The following LIPK variants were observed in gnomAD, a reference collection of about 807,000 sequenced individuals.
LIPK encodes the protein lipase family member K.
In LIPK, 32 loss-of-function variants were observed where a neutral mutation model predicts 48.6. That is an observed-to-expected ratio of 0.66 (90% confidence interval 0.50 to 0.88). The LOEUF is 0.88. Among genes scored for constraint, LIPK ranks in the 40% least tolerant of loss-of-function variants. The probability of loss-of-function intolerance (pLI) is 0.00; values close to 1 mark genes in which losing one functional copy is unlikely to be tolerated. For missense variants in LIPK, 507 were observed against 478.5 expected, an observed-to-expected ratio of 1.06 and a Z score of -0.56; for synonymous variants, 164 against 157.4, an observed-to-expected ratio of 1.04 and a Z score of -0.32.
intron 9 of LIPK, among the ~76,000 whole-genome samples, chr10:88,745,166 T>C (rs1197295145): frequency 6.9e-6 from 1 of 145,242 alleles, no homozygotes; most frequent in Non-Finnish European, 1.5e-5. Flanking sequence ...CTGGCATTCC[T>C]GAAAGAGAGG....
chr10:88,718,860 T>C (rs770314660), intron 1 of LIPK, among the ~76,000 whole-genome samples: 5 of 152,168 alleles, frequency 3.3e-5, no homozygotes, highest in Admixed American at 1.3e-4. Flanking sequence ...ATATTATTAA[T>C]AGAATTAATA....
In LIPK at chr10:88,742,638, G is replaced by A. The variant is rs557985143; in HGVS notation, c.889-612G>A. Among the ~76,000 whole-genome samples the A allele has an allele frequency of 7.9e-5, 12 of 152,330 alleles. No homozygotes were observed. The East Asian group carries it at 1.9e-3, about 24-fold the overall frequency. On this transcript the variant is annotated intron_variant, in intron 8 of 9. Transcript: ENST00000404190. ...AAAAGTAGTCATGCACAGTGTCTCA[G>A]TCAGCCCATGGCTACATTATGCACA...
chr10:88,743,319 C>A lies in LIPK; in HGVS notation c.958C>A (p.Gln320Lys). Residue 320 changes from glutamine (Q) to lysine (K), a missense_variant and splice_region_variant, in exon 9 of 10, where the codon CAG (glutamine) becomes AAG (lysine). By Grantham distance (53) the Gln-to-Lys change is moderately conservative. Transcript: ENST00000404190. ...TGATCAGAACATGATGCACTTCCAT[C>A]AGGTACAAAAATAATCCTCATAATC... is the stretch of plus-strand genomic sequence containing the variant. ...NSDQNMMHFH[Q>K]LTPPLYNITK... 1.3e-6 allele frequency: 2 copies of A among 1,581,706 alleles called. No homozygotes were observed. The highest frequency in any genetic ancestry group is 1.7e-6 in the Non-Finnish European group (2 of 1,160,518).
At chr10:88,707,972 C>G (rs972890423) in intron 1 of LIPK, among the ~76,000 whole-genome samples, 1 of 152,054 alleles carries the variant, frequency 6.6e-6, no homozygotes, top group African/African-American at 2.4e-5. Flanking sequence ...TCCTAAATCT[C>G]TGTAAACACC....
At chr10:88,720,539 C>T (rs149031430) in intron 1 of LIPK, among the ~76,000 whole-genome samples, 196 of 152,106 alleles carry the variant, frequency 1.3e-3, no homozygotes, top group African/African-American at 2.8e-3. Context: ...TTAAAAAAGA[C>T]GGCAGAAAAG....
chr10:88,733,915 G>A (rs1394548934), intron 6 of LIPK, among the ~76,000 whole-genome samples: 1 of 152,206 alleles, frequency 6.6e-6, no homozygotes, highest in Non-Finnish European at 1.5e-5. Context: ...GTATGTGAGA[G>A]TAGAATGGGA....
At chr10:88,712,760 T>A (rs111980386) in intron 1 of LIPK, among the ~76,000 whole-genome samples, 64 of 152,298 alleles carry the variant, frequency 4.2e-4, no homozygotes, top group African/African-American at 1.5e-3. Flanking sequence ...AACAGTCCTA[T>A]TTAAAATGAA....
At chr10:88,739,952 T>A in intron 7 of LIPK, 44 bp from the exon 8 acceptor site, 4 of 1,208,302 alleles carry the variant, frequency 3.3e-6, no homozygotes, top group Non-Finnish European at 4.8e-6. Flanking sequence ...ACTTGTGGTA[T>A]GATGATATGA....
rs540960738 is a variant in LIPK at position 88,752,421 on chromosome 10, G to A, written c.961-96G>A. The A allele has an allele frequency of 2.4e-4, 191 of 812,646 alleles. No individual in the cohort carries two copies. In the African/African-American group the frequency reaches 3.2e-3, roughly 14 times the overall value. 50.3% of individuals were successfully genotyped at this position (812,646 alleles called of 1,614,324 possible). ...AGTGTAAACTAATTGTACACTTGTA[G>A]CATTTAAAGAACTTGCTCAACAGCT... On this transcript the variant is annotated intron_variant, in intron 9 of 9. Coordinates refer to ENST00000404190, the MANE Select transcript of LIPK (RefSeq NM_001080518.2).
At chr10:88,751,031 T>C (rs573985520) in intron 9 of LIPK, among the ~76,000 whole-genome samples, 1 of 152,332 alleles carries the variant, frequency 6.6e-6, no homozygotes, top group Admixed American at 6.5e-5. Context: ...TAGCCACTTT[T>C]TAAATACCAT....
chr10:88,736,431 A>C (rs1229545965), intron 6 of LIPK, among the ~76,000 whole-genome samples: 1 of 152,162 alleles, frequency 6.6e-6, no homozygotes, highest in Non-Finnish European at 1.5e-5. Context: ...ATGTCCCCAT[A>C]ATAATTTAAT....
chr10:88,730,067 GCTTT>G (rs919583265), intron 3 of LIPK, among the ~76,000 whole-genome samples: 27 of 151,510 alleles, frequency 1.8e-4, no homozygotes, highest in African/African-American at 6.1e-4. Context: ...CTTGTTTTTT[GCTTT>G]CTAACAATTC....
At chr10:88,740,232 CT>C (rs1396556074) in intron 8 of LIPK, among the ~76,000 whole-genome samples, 165 bp downstream of exon 8, 2 of 152,188 alleles carry the variant, frequency 1.3e-5, no homozygotes, top group African/African-American at 4.8e-5. Flanking sequence ...ATTCCCATTT[CT>C]TCTCCTTGTC....
Position 88,724,599 on chromosome 10 carries a change from G to A in LIPK, c.56G>A (p.Gly19Asp). 2 of 1,607,922 alleles carry A rather than the reference G, an allele frequency of 1.2e-6. No individual in the cohort carries two copies. The highest frequency in any genetic ancestry group is 1.7e-6 in the Non-Finnish European group (2 of 1,178,080). Residue 19 changes from glycine to aspartate, a missense_variant, in exon 2 of 10, where the codon GGT (glycine) becomes GAT (aspartate). Coordinates refer to ENST00000404190, the MANE Select transcript of LIPK (RefSeq NM_001080518.2). ...CWMLLLGSMYGYDKKGNNANP... is the reference protein window; with the variant it reads ...CWMLLLGSMYDYDKKGNNANP... ...ATGCTTCTTCTTGGATCTATGTATGGTTATGACAAGAAAGGAAACAATGCA... is the reference window on the plus strand; with the variant it reads ...ATGCTTCTTCTTGGATCTATGTATGATTATGACAAGAAAGGAAACAATGCA...
intron 9 of LIPK, among the ~76,000 whole-genome samples, chr10:88,744,048 T>C (rs1391428292): frequency 6.6e-6 from 1 of 152,154 alleles, no homozygotes; most frequent in Admixed American, 6.5e-5. Context: ...CACCTCTAGG[T>C]AGCGCTGGCC....
intron 4 of LIPK, among the ~76,000 whole-genome samples, chr10:88,731,542 G>A (rs1045850724): frequency 3.9e-5 from 6 of 152,226 alleles, no homozygotes; most frequent in African/African-American, 1.2e-4. Flanking sequence ...CCCGGTCACA[G>A]GAGCAAACTG....
chr10:88,730,297 T>C (rs1842437405), intron 3 of LIPK, among the ~76,000 whole-genome samples: 1 of 152,214 alleles, frequency 6.6e-6, no homozygotes, highest in Non-Finnish European at 1.5e-5. Context: ...TGTTTTGTTT[T>C]ATTTTGTTTT....
intron 8 of LIPK, among the ~76,000 whole-genome samples, chr10:88,740,810 C>T (rs1056038341): frequency 1.3e-5 from 1 of 75,274 alleles, no homozygotes; most frequent in Non-Finnish European, 2.8e-5. Flanking sequence ...TATCTGAGAC[C>T]CCCCCCCAAC....
chr10:88,715,395 T>A (rs956966972), intron 1 of LIPK, among the ~76,000 whole-genome samples: 4 of 152,152 alleles, frequency 2.6e-5, no homozygotes, highest in African/African-American at 7.2e-5. Flanking sequence ...TTATGAAATA[T>A]CTCACTTTGA....
Sources: allele counts gnomAD v4.1 joint callset (sites outside exome capture counted in the v4.1 genomes callset), GRCh38; gene constraint gnomAD v4.1.1; transcripts MANE v1.5; gene names NCBI Gene and HGNC (gene_info 2026-07-23, HGNC 2026-07-21).